The following MACROD2 variants were observed in gnomAD, a reference collection of about 807,000 sequenced individuals.
MACROD2 encodes the protein ADP-ribose glycohydrolase MACROD2.
In MACROD2, 36 loss-of-function variants were observed where a neutral mutation model predicts 70.4. The observed-to-expected ratio is 0.51, with a 90% CI of 0.39 to 0.68. The LOEUF (loss-of-function observed/expected upper bound fraction) is 0.68. MACROD2 is among the 30% of genes least tolerant of loss of function. The pLI is 0.00. For missense variants in MACROD2, 496 were observed against 538.4 expected (o/e 0.92, Z 0.78); for synonymous variants, 172 against 178.8 (o/e 0.96, Z 0.30).
At chr20:15,525,807 C>T (rs2047713838) in intron 8 of MACROD2, among the ~76,000 whole-genome samples, 1 of 152,100 alleles carries the variant, frequency 6.6e-6, no homozygotes, top group Admixed American at 6.5e-5. Flanking sequence ...TTTATATAAA[C>T]TTAAATATCC....
At chr20:14,742,387 T>G (rs1277929527) in intron 5 of MACROD2, among the ~76,000 whole-genome samples, 1 of 152,150 alleles carries the variant, frequency 6.6e-6, no homozygotes, top group Non-Finnish European at 1.5e-5. Context: ...TATAGCCATT[T>G]TTCCATAGTT....
At chr20:14,142,375 C>A (rs537638035) in intron 3 of MACROD2, among the ~76,000 whole-genome samples, 8 of 152,276 alleles carry the variant, frequency 5.3e-5, no homozygotes, top group African/African-American at 1.7e-4. Context: ...TGCTGCTTAG[C>A]GACCACAGGT....
chr20:14,491,334 T>C (rs934444494), intron 3 of MACROD2, among the ~76,000 whole-genome samples: 1 of 152,206 alleles, frequency 6.6e-6, no homozygotes, highest in African/African-American at 2.4e-5. Flanking sequence ...ATGGATTCTT[T>C]GGAAAAATCA....
intron 3 of MACROD2, among the ~76,000 whole-genome samples, chr20:14,464,710 G>A (rs574411155): frequency 6.6e-6 from 1 of 151,998 alleles, no homozygotes; most frequent in South Asian, 2.1e-4. Context: ...CTTTGAATGT[G>A]TCCCAGAGAT....
At chr20:14,070,805 G>A (rs534111787) in intron 2 of MACROD2, among the ~76,000 whole-genome samples, 15 of 152,176 alleles carry the variant, frequency 9.9e-5, no homozygotes, top group South Asian at 4.2e-4. Flanking sequence ...TCAATATGGG[G>A]GAAAGTAAGA....
chr20:15,316,923 G>T (rs73265032), intron 6 of MACROD2, among the ~76,000 whole-genome samples: 1 of 151,922 alleles, frequency 6.6e-6, no homozygotes, highest in South Asian at 2.1e-4. Flanking sequence ...ACAAATATGT[G>T]AAAAATAAAA....
intron 3 of MACROD2, among the ~76,000 whole-genome samples, chr20:14,170,139 A>G (rs1022296732): frequency 6.6e-6 from 1 of 151,714 alleles, no homozygotes; most frequent in Non-Finnish European, 1.5e-5. Flanking sequence ...TGATCCACCT[A>G]CCTTGGCCTC....
chr20:15,027,164 T>C (rs1485445191), intron 5 of MACROD2, among the ~76,000 whole-genome samples: 3 of 152,116 alleles, frequency 2.0e-5, no homozygotes, highest in Non-Finnish European at 2.9e-5. Flanking sequence ...AAAAAGACCT[T>C]TACTTTCATC....
At chr20:15,123,590 A>G (rs1213044836) in intron 5 of MACROD2, among the ~76,000 whole-genome samples, 1 of 103,850 alleles carries the variant, frequency 9.6e-6, no homozygotes, top group Non-Finnish European at 1.9e-5. Flanking sequence ...TAAGTAAAGT[A>G]TGTGAAATTC....
rs954032230 is a variant in MACROD2 at position 14,671,517 on chromosome 20, G to A, written c.302-13326G>A. Among the ~76,000 whole-genome samples, 7 of 152,100 alleles carry A rather than the reference G, an allele frequency of 4.6e-5. 1 individual carries two copies. The South Asian group carries it at 1.4e-3, about 31-fold the overall frequency. On this transcript the variant is annotated intron_variant, in intron 4 of 17. Coordinates refer to ENST00000684519, the MANE Select transcript of MACROD2 (RefSeq NM_001351661.2). Reference sequence around the variant, plus strand: ...GTATCTGCATATTATTTAGATCTTAGAGTCTAGGAGAGAGAAGCATCTCTT... The same window carrying A: ...GTATCTGCATATTATTTAGATCTTAAAGTCTAGGAGAGAGAAGCATCTCTT...
At chr20:14,391,012 C>A (rs1338373738) in intron 3 of MACROD2, among the ~76,000 whole-genome samples, 4 of 152,088 alleles carry the variant, frequency 2.6e-5, no homozygotes, top group Non-Finnish European at 2.9e-5. Flanking sequence ...GGGGCACTTA[C>A]ATACTGTTGG....
Position 14,041,188 on chromosome 20 carries a change from A to C in MACROD2, c.163+38784A>C, listed in dbSNP as rs542224179. Among the ~76,000 whole-genome samples, 57 of 152,370 alleles carry C rather than the reference A, an allele frequency of 3.7e-4. No individual in the cohort carries two copies. In the Middle Eastern group the frequency reaches 0.01, roughly 27 times the overall value. ...TTACTTTTATAAAAGAGAATATTTA[A>C]AACAAATTGTGCATGATAGAGGAAT... On this transcript the variant is annotated intron_variant, in intron 2 of 17. Transcript: ENST00000684519.
intron 8 of MACROD2, among the ~76,000 whole-genome samples, chr20:15,706,678 A>G (rs922504804): frequency 3.3e-5 from 5 of 152,214 alleles, no homozygotes; most frequent in Admixed American, 2.0e-4. Context: ...ATAACTTTCT[A>G]TTACTAACAC....
chr20:14,738,694 T>TACA (rs1600608195), intron 5 of MACROD2, among the ~76,000 whole-genome samples: 2 of 151,744 alleles, frequency 1.3e-5, no homozygotes, highest in East Asian at 3.9e-4. Flanking sequence ...TATGTATATA[T>TACA]TAACATATAA....
intron 3 of MACROD2, among the ~76,000 whole-genome samples, chr20:14,302,860 G>T (rs1030686473): frequency 6.6e-6 from 1 of 152,050 alleles, no homozygotes; most frequent in African/African-American, 2.4e-5. Context: ...CACCATGTTG[G>T]CCAGGCTGCT....
chr20:14,862,887 C>G (rs565520645), intron 5 of MACROD2, among the ~76,000 whole-genome samples: 4 of 149,370 alleles, frequency 2.7e-5, no homozygotes, highest in African/African-American at 7.4e-5. Flanking sequence ...GAACAATGAG[C>G]TGTACATTCC....
At chr20:15,033,358 T>C (rs535846755) in intron 5 of MACROD2, among the ~76,000 whole-genome samples, 1 of 152,322 alleles carries the variant, frequency 6.6e-6, no homozygotes, top group East Asian at 1.9e-4. Flanking sequence ...GTGGTGAGCT[T>C]TCAGCTGCCA....
chr20:15,737,742 C>G (rs1314256858), intron 8 of MACROD2, among the ~76,000 whole-genome samples: 1 of 152,072 alleles, frequency 6.6e-6, no homozygotes, highest in Non-Finnish European at 1.5e-5. Flanking sequence ...TATGTCAACA[C>G]CTTAGATGAG....
intron 6 of MACROD2, among the ~76,000 whole-genome samples, chr20:15,405,436 C>T (rs1326412956): frequency 6.6e-6 from 1 of 152,150 alleles, no homozygotes; most frequent in Non-Finnish European, 1.5e-5. Context: ...GGGCCCAGCA[C>T]CGTGGTGTGG....
Sources: gnomAD v4.1 joint callset for allele counts (sites outside exome capture counted in the v4.1 genomes callset) on GRCh38, gnomAD v4.1.1 for gene constraint, MANE v1.5 for transcripts, NCBI Gene and HGNC (gene_info 2026-07-23, HGNC 2026-07-21) for gene names.